The following SMYD3 variants were observed in gnomAD, a reference collection of about 807,000 sequenced individuals.
The protein encoded by SMYD3 is histone-lysine N-methyltransferase SMYD3.
A neutral mutation model predicts 57.7 loss-of-function variants in SMYD3; 36 were observed. The ratio of observed to expected loss-of-function variants is 0.62; its 90% CI spans 0.48 to 0.82. The LOEUF is 0.82. SMYD3 is among the 40% of genes least tolerant of loss of function. SMYD3 has a pLI of 0.00. For missense variants in SMYD3, 515 were observed against 538.8 expected, an observed-to-expected ratio of 0.96 and a Z score of 0.44; for synonymous variants, 211 against 195.0, an observed-to-expected ratio of 1.08 and a Z score of -0.68.
In SMYD3 at chr1:245,827,308, C is replaced by T. The variant is rs552435857; in HGVS notation, c.1076+31188G>A. On this transcript the variant is annotated intron_variant, in intron 10 of 11. Transcript: ENST00000490107. ...TCCAGTGAGCCTTAGAGATGATCAA[C>T]ACAACAGAGAGCGACACTGAGGCCC... 3.3e-5 allele frequency among the ~76,000 whole-genome samples: 5 copies of T among 152,288 alleles called. No homozygotes were observed. The South Asian group carries it at 1.0e-3, about 32-fold the overall frequency.
intron 5 of SMYD3, chr1:246,321,781 C>G (rs1220166166): frequency 6.6e-6 from 1 of 152,136 alleles, no homozygotes; most frequent in African/African-American, 2.4e-5. Context: ...CAGGGTCTCA[C>G]TTTGTAGTCC....
At chr1:246,123,753 G>A (rs1341030089) in intron 5 of SMYD3, among the ~76,000 whole-genome samples, 1 of 152,118 alleles carries the variant, frequency 6.6e-6, no homozygotes, top group East Asian at 1.9e-4. Context: ...AGTATGCTAA[G>A]TCCAAAATGC....
chr1:246,414,093 A>G (rs985085756), intron 1 of SMYD3, among the ~76,000 whole-genome samples: 1 of 152,202 alleles, frequency 6.6e-6, no homozygotes, highest in African/African-American at 2.4e-5. Flanking sequence ...GTATCCCTAC[A>G]TGTGCCTGGT....
At chr1:246,363,265 G>A (rs1369909128) in intron 1 of SMYD3, among the ~76,000 whole-genome samples, 2,192 of 94,380 alleles carry the variant, frequency 0.023, no homozygotes, top group Middle Eastern at 0.086. Flanking sequence ...GTTAGCCCCC[G>A]CCAGGCCAGC....
At chr1:246,103,480 C>A (rs2061056552) in intron 5 of SMYD3, among the ~76,000 whole-genome samples, 1 of 151,972 alleles carries the variant, frequency 6.6e-6, no homozygotes, top group Non-Finnish European at 1.5e-5. Context: ...CCTGGCCCCC[C>A]ATCTCTTCCC....
At chr1:246,364,674 G>A (rs2066069789) in intron 1 of SMYD3, among the ~76,000 whole-genome samples, 1 of 152,182 alleles carries the variant, frequency 6.6e-6, no homozygotes, top group Non-Finnish European at 1.5e-5. Context: ...ACAGAAGTGA[G>A]TTATGGGACG....
chr1:246,180,759 C>CAAAAAAAAAAAAAAAAAAAAAAAAAAAA (rs61346746), intron 5 of SMYD3, among the ~76,000 whole-genome samples: 1 of 29,198 alleles, frequency 3.4e-5, no homozygotes, highest in Non-Finnish European at 5.5e-5. Context: ...GACTCTGTCT[C>CAAAAAAAAAAAAAAAAAAAAAAAAAAAA]AAAAAAAAAA....
chr1:245,760,616 C>T (rs1437772501), intron 11 of SMYD3, among the ~76,000 whole-genome samples: 1 of 152,138 alleles, frequency 6.6e-6, no homozygotes, highest in African/African-American at 2.4e-5. Context: ...TTCATTCAAG[C>T]ATGTATTTAA....
At chr1:246,331,363 T>C (rs1018717132) in intron 3 of SMYD3, among the ~76,000 whole-genome samples, 7 of 152,212 alleles carry the variant, frequency 4.6e-5, no homozygotes, top group African/African-American at 1.7e-4. Flanking sequence ...GTATCTTCCT[T>C]GAAGAGGAAA....
At chr1:246,445,040 A>G (rs895134828) in intron 1 of SMYD3, among the ~76,000 whole-genome samples, 1 of 152,134 alleles carries the variant, frequency 6.6e-6, no homozygotes, top group East Asian at 1.9e-4. Flanking sequence ...CAGGAGCACT[A>G]TTGATGTTGA....
At chr1:246,447,081 T>C (rs2067560445) in intron 1 of SMYD3, among the ~76,000 whole-genome samples, 1 of 151,914 alleles carries the variant, frequency 6.6e-6, no homozygotes, top group Admixed American at 6.6e-5. Flanking sequence ...CACCATAACT[T>C]AGAGCAAGTT....
At chr1:246,429,514 T>C (rs1228726874) in intron 1 of SMYD3, among the ~76,000 whole-genome samples, 2 of 152,082 alleles carry the variant, frequency 1.3e-5, no homozygotes, top group African/African-American at 4.8e-5. Context: ...TCAGCTGGAG[T>C]TGTAAAAATC....
intron 5 of SMYD3, among the ~76,000 whole-genome samples, chr1:246,122,149 C>T (rs2061434282): frequency 6.6e-6 from 1 of 152,074 alleles, no homozygotes; most frequent in Non-Finnish European, 1.5e-5. Context: ...GTAGCTCATG[C>T]CTGTAATCCC....
At chr1:246,300,064 G>C (rs536424858) in intron 5 of SMYD3, among the ~76,000 whole-genome samples, 1 of 149,204 alleles carries the variant, frequency 6.7e-6, no homozygotes, top group Non-Finnish European at 1.5e-5. Context: ...TCATACAATG[G>C]AATAGTATAC....
At chr1:246,406,109 T>C (rs2066862960) in intron 1 of SMYD3, among the ~76,000 whole-genome samples, 1 of 151,784 alleles carries the variant, frequency 6.6e-6, no homozygotes, top group Admixed American at 6.6e-5. Context: ...TTTTTTTAAA[T>C]AGAGACAGCG....
chr1:245,976,880 C>T lies in SMYD3; in HGVS notation c.532-46943G>A, dbSNP rs367931281. On this transcript the variant is annotated intron_variant, in intron 5 of 11. Transcript: ENST00000490107. ...CTAGCCTAGGGAAAGCCATCGTCTC[C>T]GGCCCAGGGAAAGCCATCGTCTCTA... Among the ~76,000 whole-genome samples, 148 of 26,054 alleles carry T rather than the reference C, an allele frequency of 5.7e-3. 1 individual carries two copies. Among genetic ancestry groups the T allele is most frequent in the Middle Eastern group, 0.036 (1 of 28 alleles). 17.1% of individuals were successfully genotyped at this position (26,054 alleles called of 152,430 possible).
At chr1:245,823,511 T>G (rs79579132) in intron 10 of SMYD3, among the ~76,000 whole-genome samples, 1,802 of 152,348 alleles carry the variant, frequency 0.012, 17 homozygotes, top group Non-Finnish European at 0.017. Context: ...GCCAAATGCA[T>G]TGTTCAGGCA....
At chr1:245,971,614 T>G (rs1376062832) in intron 5 of SMYD3, among the ~76,000 whole-genome samples, 1 of 152,124 alleles carries the variant, frequency 6.6e-6, no homozygotes, top group Non-Finnish European at 1.5e-5. Context: ...CTCTGAAACA[T>G]CCCCACTAAC....
At chr1:246,188,687 G>A (rs573269277) in intron 5 of SMYD3, among the ~76,000 whole-genome samples, 2 of 152,062 alleles carry the variant, frequency 1.3e-5, no homozygotes, top group African/African-American at 2.4e-5. Flanking sequence ...GGGGCCAGGC[G>A]TGGTGGCTCA....
Sources: gnomAD v4.1 joint callset for allele counts (sites outside exome capture counted in the v4.1 genomes callset) on GRCh38, gnomAD v4.1.1 for gene constraint, MANE v1.5 for transcripts, NCBI Gene and HGNC (gene_info 2026-07-23, HGNC 2026-07-21) for gene names.